The following GPHN variants were observed in gnomAD, a reference collection of about 807,000 sequenced individuals.
The protein encoded by GPHN is gephyrin.
GPHN carries 17 observed loss-of-function variants against 95.5 expected under a neutral mutation model. The ratio of observed to expected loss-of-function variants is 0.18; its 90% CI spans 0.12 to 0.27. The LOEUF is 0.27. Among genes scored for constraint, GPHN ranks in the 10% least tolerant of loss-of-function variants. GPHN has a pLI of 1.00. For synonymous variants in GPHN, 320 were observed against 322.5 expected, an observed-to-expected ratio of 0.99 and a Z score of 0.08; for missense variants, 660 against 978.1, an observed-to-expected ratio of 0.67 and a Z score of 4.34.
At chr14:67,497,850 C>G in the GPHN span, among the ~76,000 whole-genome samples, 2 of 152,060 alleles carry the variant, frequency 1.3e-5, no homozygotes, top group Non-Finnish European at 2.9e-5. Context: ...ATGTTACATT[C>G]TCGGTGAGTC....
chr14:66,590,767 CAA>C (rs2061607119), intron 1 of GPHN, among the ~76,000 whole-genome samples: 2 of 152,146 alleles, frequency 1.3e-5, no homozygotes, highest in Non-Finnish European at 2.9e-5. Context: ...CTGTTCCAAA[CAA>C]GAGAAAGAGA....
intron 2 of GPHN, among the ~76,000 whole-genome samples, chr14:66,708,407 A>C (rs1008550960): frequency 1.3e-5 from 2 of 152,162 alleles, no homozygotes; most frequent in Non-Finnish European, 2.9e-5. Context: ...TGTATTAGTT[A>C]AATATTATCT....
the GPHN span, chr14:67,650,645 C>A: frequency 7.1e-7 from 1 of 1,402,684 alleles, no homozygotes; most frequent in Non-Finnish European, 1.0e-6. Flanking sequence ...TCTCCCTGTC[C>A]CAGTGGGATG....
chr14:67,028,065 C>G (rs2074014768), intron 10 of GPHN, among the ~76,000 whole-genome samples: 1 of 152,156 alleles, frequency 6.6e-6, no homozygotes, highest in South Asian at 2.1e-4. Flanking sequence ...TAATATCACT[C>G]TGCTCACTGC....
At chr14:67,412,109 C>A in the GPHN span, 58 of 1,461,616 alleles carry the variant, frequency 4.0e-5, no homozygotes, top group Non-Finnish European at 1.8e-6. Context: ...CCCCGCGCCT[C>A]GCGCTCCTCG....
At chr14:66,546,493 G>A (rs1277725541) in intron 1 of GPHN, among the ~76,000 whole-genome samples, 1 of 152,186 alleles carries the variant, frequency 6.6e-6, no homozygotes, top group Non-Finnish European at 1.5e-5. Context: ...CGAGCACTGA[G>A]TGAACCAGAC....
chr14:67,401,526 T>C, the GPHN span, among the ~76,000 whole-genome samples: 2 of 151,228 alleles, frequency 1.3e-5, no homozygotes, highest in Non-Finnish European at 3.0e-5. Flanking sequence ...ACAACAATAA[T>C]AATAATTTTA....
intron 1 of GPHN, among the ~76,000 whole-genome samples, chr14:66,568,922 A>G (rs577461338): frequency 1.9e-4 from 29 of 152,130 alleles, no homozygotes; most frequent in Non-Finnish European, 4.0e-4. Flanking sequence ...ATGTTTATAA[A>G]TGTATGATTA....
chr14:67,052,316 G>A (rs1203528341), intron 10 of GPHN, among the ~76,000 whole-genome samples: 2 of 149,402 alleles, frequency 1.3e-5, no homozygotes, highest in African/African-American at 4.9e-5. Flanking sequence ...TAGTGTTAAA[G>A]TCTTACAAAA....
At chr14:66,758,541 C>G (rs1018140430) in intron 2 of GPHN, among the ~76,000 whole-genome samples, 1 of 151,708 alleles carries the variant, frequency 6.6e-6, no homozygotes, top group East Asian at 1.9e-4. Context: ...GGCCTGAAGG[C>G]GAGAAGAGAG....
the GPHN span, among the ~76,000 whole-genome samples, chr14:67,530,452 G>A: frequency 2.0e-5 from 3 of 152,192 alleles, no homozygotes; most frequent in African/African-American, 7.2e-5. Flanking sequence ...CTAAGATGCT[G>A]TAATATTGAC....
intron 2 of GPHN, chr14:66,709,414 A>T: frequency 2.2e-6 from 1 of 455,938 alleles, no homozygotes; most frequent in Non-Finnish European, 4.4e-6. Context: ...ACTGAACCCA[A>T]GTACTGCGAT....
At chr14:66,692,174 T>G (rs1048700980) in intron 2 of GPHN, among the ~76,000 whole-genome samples, 6 of 152,208 alleles carry the variant, frequency 3.9e-5, no homozygotes, top group African/African-American at 1.2e-4. Context: ...ATATCTTTAC[T>G]TTACCTGCTA....
At chr14:67,585,643 C>G in the GPHN span, 7 of 1,566,500 alleles carry the variant, frequency 4.5e-6, no homozygotes, top group African/African-American at 8.1e-5. Context: ...CATCCTGGAC[C>G]ACAACACTAT....
At chr14:66,931,058 A>G (rs1449667333) in intron 8 of GPHN, among the ~76,000 whole-genome samples, 6 of 152,032 alleles carry the variant, frequency 3.9e-5, no homozygotes, top group Non-Finnish European at 8.8e-5. Flanking sequence ...GAAACCCCTC[A>G]GCTTTTGTTT....
At chr14:67,462,064 GAA>G in the GPHN span, among the ~76,000 whole-genome samples, 2 of 152,236 alleles carry the variant, frequency 1.3e-5, no homozygotes, top group Non-Finnish European at 1.5e-5. Flanking sequence ...CTCTACTGCA[GAA>G]AAGGACAACA....
chr14:66,926,229 G>A (rs1596391604), intron 8 of GPHN, among the ~76,000 whole-genome samples: 5 of 152,166 alleles, frequency 3.3e-5, no homozygotes, highest in South Asian at 4.1e-4. Flanking sequence ...TTTGTTAGGC[G>A]AAGCTTTTTA....
chr14:66,840,367 A>G (rs1016989312), intron 4 of GPHN, among the ~76,000 whole-genome samples: 3 of 152,218 alleles, frequency 2.0e-5, no homozygotes, highest in African/African-American at 4.8e-5. Context: ...GGACAATAGT[A>G]GCAGCAATAT....
chr14:66,826,074 A>G (rs1426214357), intron 4 of GPHN, among the ~76,000 whole-genome samples: 1 of 152,200 alleles, frequency 6.6e-6, no homozygotes, highest in East Asian at 1.9e-4. Flanking sequence ...TGATGGTTTG[A>G]TATTTTCATA....
Sources: allele counts gnomAD v4.1 joint callset (sites outside exome capture counted in the v4.1 genomes callset), GRCh38; gene constraint gnomAD v4.1.1; transcripts MANE v1.5; gene names NCBI Gene and HGNC (gene_info 2026-07-23, HGNC 2026-07-21).